Variants in ZNF710 observed in about 807,000 individuals in gnomAD.
ZNF710 encodes the protein zinc finger protein 710.
In ZNF710, 13 loss-of-function variants were observed where a neutral mutation model predicts 50.6. The ratio of observed to expected loss-of-function variants is 0.26; its 90% confidence interval spans 0.17 to 0.41. ZNF710 has a LOEUF of 0.41. Among genes scored for constraint, ZNF710 ranks in the 10% least tolerant of loss-of-function variants. The pLI, the probability that ZNF710 is intolerant of heterozygous loss-of-function variation, is 1.00. For missense variants in ZNF710, 721 were observed against 936.6 expected, an observed-to-expected ratio of 0.77 and a Z score of 3.01; for synonymous variants, 383 against 397.0, an observed-to-expected ratio of 0.96 and a Z score of 0.42.
intron 4 of ZNF710, chr15:90,074,492 A>G: frequency 2.0e-6 from 3 of 1,522,554 alleles, no homozygotes; most frequent in African/African-American, 2.7e-5. Context: ...AAGGACTTAA[A>G]TGAGATCACG....
Position 90,073,115 on chromosome 15 carries a change from C to G in ZNF710, c.1503C>G (p.Thr501=). The change falls in exon 3 of 5, where the codon ACC becomes ACG. Residue 501 remains threonine, a synonymous_variant. Coordinates refer to ENST00000268154, the MANE Select transcript of ZNF710 (RefSeq NM_198526.4). The part of the protein sequence containing the change: ...FKCEVCGREF[T]LQANMKRHML... ...GCGAGGTGTGTGGCCGGGAGTTCAC[C>G]CTACAGGCGAACATGAAGCGGCACA... 1.2e-6 allele frequency: 2 copies of G among 1,614,118 alleles called. No homozygotes were observed. Among genetic ancestry groups the G allele is most frequent in the Non-Finnish European group, 8.5e-7 (1 of 1,180,028 alleles).
Position 90,079,867 on chromosome 15 carries a change from G to A in ZNF710, c.*38G>A, listed in dbSNP as rs374812585. ...CACCCCTAACGGGGGCCGGGGGCGAGGGCATGGGGGTGAGACCCATGGGCT... is the reference window on the plus strand; with the variant it reads ...CACCCCTAACGGGGGCCGGGGGCGAAGGCATGGGGGTGAGACCCATGGGCT... On this transcript the variant is annotated 3_prime_UTR_variant, in exon 5 of 5. Transcript: ENST00000268154. The A allele has an allele frequency of 1.3e-6, 2 of 1,555,044 alleles. No homozygotes were observed. The highest frequency in any genetic ancestry group is 1.7e-6 in the Non-Finnish European group (2 of 1,156,306).
At position 90,067,236 on chromosome 15, in the gene ZNF710, C is replaced by A; in HGVS notation, c.99C>A (p.Leu33=). 1 of 1,613,690 alleles carries A rather than the reference C, an allele frequency of 6.2e-7. No individual in the cohort carries two copies. The highest frequency in any genetic ancestry group is 8.5e-7 in the Non-Finnish European group (1 of 1,179,902). Residue 33 remains leucine (L), a synonymous_variant, in exon 2 of 5, where the codon CTC becomes CTA. Transcript: ENST00000268154. This position sits in a 1 kb window ranked among gnomAD's most constrained non-coding sequence, Gnocchi z 8.1. ...TTGGCCTGGTCTCCGAAAATGAGCT[C>A]TTTGGAGCTACCATAAGCGCCGAGG... ...AVLGLVSENE[L]FGATISAEAF...
chr15:90,010,692 T>G (rs571473650), intron 1 of ZNF710, among the ~76,000 whole-genome samples: 1 of 152,288 alleles, frequency 6.6e-6, no homozygotes, highest in Non-Finnish European at 1.5e-5. Context: ...ATTGAAAGAT[T>G]TTTTTCTTTC....
intron 1 of ZNF710, among the ~76,000 whole-genome samples, chr15:90,008,696 G>A (rs1898219509): frequency 6.6e-6 from 1 of 151,114 alleles, no homozygotes; most frequent in Non-Finnish European, 1.5e-5. Context: ...TGGGAGGATC[G>A]CTTGAGCCCA....
chr15:90,004,729 T>C (rs558224490), intron 1 of ZNF710, among the ~76,000 whole-genome samples: 29 of 152,372 alleles, frequency 1.9e-4, no homozygotes, highest in African/African-American at 6.7e-4. Flanking sequence ...CCACTGTCTC[T>C]GCTACTGCTG....
At chr15:90,007,723 G>A (rs944532779) in intron 1 of ZNF710, among the ~76,000 whole-genome samples, 1 of 151,074 alleles carries the variant, frequency 6.6e-6, no homozygotes, top group East Asian at 1.9e-4. Context: ...TCCCAGAGTC[G>A]CTGGTTGCAA....
At chr15:90,038,707 C>CTGTGTGTGTGTGTGTGTGTGTGTGTGTG (rs144152063) in intron 1 of ZNF710, among the ~76,000 whole-genome samples, 3 of 143,580 alleles carry the variant, frequency 2.1e-5, no homozygotes, top group South Asian at 2.3e-4. Context: ...CCTCCCTGCT[C>CTGTGTGTGTGTGTGTGTGTGTGTGTGTG]TGTGTGTGTG....
chr15:90,041,456 T>C (rs2151495919), intron 1 of ZNF710, among the ~76,000 whole-genome samples: 2 of 152,288 alleles, frequency 1.3e-5, no homozygotes, highest in Middle Eastern at 3.4e-3. Flanking sequence ...CTCTTAAAAG[T>C]GCTGGGATTA....
intron 2 of ZNF710, among the ~76,000 whole-genome samples, chr15:90,069,228 CAAAAAAA>C (rs1231164801): frequency 5.7e-5 from 4 of 69,622 alleles, no homozygotes; most frequent in East Asian, 3.6e-4. Flanking sequence ...AACTCCATCT[CAAAAAAA>C]AAAAAAAAAA....
At chr15:90,008,456 A>ATATATATG in intron 1 of ZNF710, among the ~76,000 whole-genome samples, 2 of 143,400 alleles carry the variant, frequency 1.4e-5, no homozygotes, top group African/African-American at 5.4e-5. Context: ...ATATATATGT[A>ATATATATG]TATATATATA....
chr15:90,001,876 T>G, intron 1 of ZNF710, among the ~76,000 whole-genome samples: 1 of 34,900 alleles, frequency 2.9e-5, no homozygotes, highest in Non-Finnish European at 5.7e-5. Flanking sequence ...AGAGATGGCG[T>G]CTGGGGTGGG....
rs1367676900 is a variant in ZNF710, at chr15:90,081,821, C to T, written c.*1992C>T. On this transcript the variant is annotated 3_prime_UTR_variant, in exon 5 of 5. Transcript: ENST00000268154. ...AGAAGGTCTGGCCCCCAGGGTGGGGCTCTCCTTTCCCTCCCCCAGCCCCGC... is the reference window on the plus strand; with the variant it reads ...AGAAGGTCTGGCCCCCAGGGTGGGGTTCTCCTTTCCCTCCCCCAGCCCCGC... The T allele has an allele frequency of 1.3e-5, 2 of 152,384 alleles. No individual in the cohort carries two copies. The highest frequency in any genetic ancestry group is 3.8e-4 in the East Asian group (2 of 5,204). The allele number at this position is 152,384 out of a possible 1,614,324, so 9.4% of individuals were successfully genotyped here. A position where few individuals can be genotyped will look rare whatever the true frequency, so the allele number is the denominator to read the frequency against.
At chr15:90,060,589 C>T (rs1028876234) in intron 1 of ZNF710, among the ~76,000 whole-genome samples, 11 of 151,842 alleles carry the variant, frequency 7.2e-5, no homozygotes, top group African/African-American at 2.7e-4. Context: ...CGCAGTAGCT[C>T]ACGCCTGTAA....
chr15:90,077,982 C>A (rs935581969), intron 4 of ZNF710, among the ~76,000 whole-genome samples: 1 of 151,976 alleles, frequency 6.6e-6, no homozygotes, highest in African/African-American at 2.4e-5. Context: ...CCGAGGCAGG[C>A]GGATCACCTG....
chr15:90,000,995 AAGAGAG>A (rs772003954), upstream of ZNF710, among the ~76,000 whole-genome samples: 1 of 152,046 alleles, frequency 6.6e-6, no homozygotes, highest in Non-Finnish European at 1.5e-5. Context: ...AGAAAAAAAA[AAGAGAG>A]AGAGAGAAAG....
chr15:90,038,644 C>A (rs899733474), intron 1 of ZNF710, among the ~76,000 whole-genome samples: 1 of 151,668 alleles, frequency 6.6e-6, no homozygotes, highest in Admixed American at 6.6e-5. Flanking sequence ...CAAAAATCTT[C>A]ATGCATTACA....
intron 4 of ZNF710, among the ~76,000 whole-genome samples, chr15:90,078,493 A>G (rs1900646733): frequency 6.6e-6 from 1 of 152,208 alleles, no homozygotes; most frequent in African/African-American, 2.4e-5. Context: ...CTCATGACCC[A>G]TTCAACAGGA....
At chr15:90,028,901 G>A (rs1898854194) in intron 1 of ZNF710, among the ~76,000 whole-genome samples, 1 of 152,170 alleles carries the variant, frequency 6.6e-6, no homozygotes, top group Admixed American at 6.5e-5. Flanking sequence ...AAAACCATGT[G>A]AAAAACACAT....
Sources: allele counts gnomAD v4.1 joint callset (sites outside exome capture counted in the v4.1 genomes callset), GRCh38; gene constraint gnomAD v4.1.1; non-coding constraint Gnocchi (gnomAD v3.1); transcripts MANE v1.5; gene names NCBI Gene and HGNC (gene_info 2026-07-23, HGNC 2026-07-21).